DCAF13: variants seen among roughly 807,000 people sequenced by gnomAD.
DCAF13 encodes DDB1 and CUL4 associated factor 13.
A neutral mutation model predicts 59.0 loss-of-function variants in DCAF13; 38 were observed. That is an observed-to-expected ratio of 0.64 (90% confidence interval 0.50 to 0.84). DCAF13 has a LOEUF of 0.84. Ranked by LOEUF, DCAF13 falls within the 40% of genes least tolerant of loss-of-function variation. The pLI is 0.00. For missense variants in DCAF13, 469 were observed against 558.4 expected (o/e 0.84, Z 1.61); for synonymous variants, 173 against 175.0 (o/e 0.99, Z 0.09).
At chr8:103,417,410 G>A (rs1261992109) in intron 1 of DCAF13, among the ~76,000 whole-genome samples, 2 of 152,036 alleles carry the variant, frequency 1.3e-5, no homozygotes, top group East Asian at 3.9e-4. Context: ...GGGAGGCCGA[G>A]ACGGGCGGAT....
intron 5 of DCAF13, chr8:103,427,886 G>C (rs1288159015): frequency 6.6e-6 from 1 of 152,352 alleles, no homozygotes; most frequent in African/African-American, 2.4e-5. Context: ...TTGGACTCCA[G>C]ATCTTTCTCT....
At chr8:103,437,536 AT>A (rs1470406464) in intron 8 of DCAF13, among the ~76,000 whole-genome samples, 1 of 152,070 alleles carries the variant, frequency 6.6e-6, no homozygotes, top group African/African-American at 2.4e-5. Flanking sequence ...TTTCTAAGAA[AT>A]TGTCTCCTGA....
intron 3 of DCAF13, among the ~76,000 whole-genome samples, chr8:103,424,820 C>T (rs1328049167): frequency 6.6e-6 from 1 of 152,192 alleles, no homozygotes; most frequent in African/African-American, 2.4e-5. Context: ...ACCTAGATTA[C>T]ATCTTAGTCT....
chr8:103,417,766 A>G (rs1346485284), intron 1 of DCAF13, among the ~76,000 whole-genome samples: 1 of 152,220 alleles, frequency 6.6e-6, no homozygotes, highest in South Asian at 2.1e-4. Context: ...GAAGACTACT[A>G]TATAGGGAGC....
chr8:103,422,441 A>C (rs905795500), intron 3 of DCAF13, among the ~76,000 whole-genome samples: 3 of 152,192 alleles, frequency 2.0e-5, no homozygotes, highest in Admixed American at 1.3e-4. Context: ...GCCTTGGGGA[A>C]TGCCCACCTC....
In DCAF13 at chr8:103,425,929, A is replaced by T. The variant is rs564548427; in HGVS notation, c.379-127A>T. The T allele has an allele frequency of 2.8e-3, 1,855 of 652,634 alleles. 9 individuals are homozygous for T. The highest frequency in any genetic ancestry group is 4.0e-3 in the Non-Finnish European group (1,436 of 357,642). 40.4% of individuals were successfully genotyped at this position (652,634 alleles called of 1,614,324 possible). ...AAGGTGGGATATAAATGGATCAATA[A>T]GTGTAATACTGGAATGATATGGTAT... On this transcript the variant is annotated intron_variant, in intron 3 of 10. Transcript: ENST00000612750.
rs1055611132 is a variant in DCAF13, at chr8:103,442,855, G to A, written c.1311G>A (p.Lys437=). 1 of 1,607,822 alleles carries A rather than the reference G, an allele frequency of 6.2e-7. No homozygotes were observed. The highest frequency in any genetic ancestry group is 1.3e-5 in the African/African-American group (1 of 74,714). The change falls in exon 11 of 11, where the codon AAG becomes AAA. Residue 437 remains lysine (K), a synonymous_variant. Transcript: ENST00000612750. ...PGSVPLVSEK[K]KHVVAVVK ...CTGTGCCACTTGTGTCAGAGAAGAA[G>A]AAACACGTAGTGGCAGTTGTAAAAT... is the stretch of plus-strand genomic sequence containing the variant.
chr8:103,435,882 T>C, intron 8 of DCAF13, 92 bp downstream of exon 8: 1 of 1,305,350 alleles, frequency 7.7e-7, no homozygotes, highest in Non-Finnish European at 1.1e-6. Flanking sequence ...ATTTCATCAT[T>C]GTGTGAACAT....
rs758893088 is a variant in DCAF13, at chr8:103,435,718, C to T, written c.878C>T (p.Thr293Ile). The T allele has an allele frequency of 1.2e-6, 2 of 1,613,678 alleles. No individual in the cohort carries two copies. Among genetic ancestry groups the T allele is most frequent in the Non-Finnish European group, 1.7e-6 (2 of 1,179,754 alleles). ...GTGCTTGATGTGGATTACTCTCCCACTGGGAAGGAGTTTGTGTCTGCTAGT... is the reference window on the plus strand; with the variant it reads ...GTGCTTGATGTGGATTACTCTCCCATTGGGAAGGAGTTTGTGTCTGCTAGT... ...SAVLDVDYSPTGKEFVSASFD... is the reference protein window; with the variant it reads ...SAVLDVDYSPIGKEFVSASFD... Residue 293 changes from threonine to isoleucine, a missense_variant, in exon 8 of 11, where the codon ACT becomes ATT. This residue lies in a region of DCAF13 where 355 missense variants were observed against 399.1 expected (regional missense o/e 0.89). Transcript: ENST00000612750.
intron 4 of DCAF13, among the ~76,000 whole-genome samples, chr8:103,426,777 T>TATA (rs1212362170): frequency 6.6e-6 from 1 of 152,132 alleles, no homozygotes; most frequent in Non-Finnish European, 1.5e-5. Flanking sequence ...ATGGTTAGTA[T>TATA]ATAATATTTA....
At chr8:103,418,824 TTATATATATATATATATATATATATA>T (rs1188672878) in intron 1 of DCAF13, among the ~76,000 whole-genome samples, 1,593 of 41,372 alleles carry the variant, frequency 0.039, 97 homozygotes, top group African/African-American at 0.13. Flanking sequence ...CTAAGCATAA[TTATATATATATATATATATATATATA>T]TATATATATA....
At chr8:103,436,227 T>A (rs551407796) in intron 8 of DCAF13, among the ~76,000 whole-genome samples, 1 of 152,214 alleles carries the variant, frequency 6.6e-6, no homozygotes, top group Non-Finnish European at 1.5e-5. Flanking sequence ...TTTAATAAAG[T>A]TTTTTGCTCC....
intron 6 of DCAF13, among the ~76,000 whole-genome samples, chr8:103,431,563 A>G (rs1454456730): frequency 6.6e-6 from 1 of 152,208 alleles, no homozygotes; most frequent in African/African-American, 2.4e-5. Flanking sequence ...TCACTCATTC[A>G]TGTGATTTAA....
intron 5 of DCAF13, chr8:103,429,477 A>G (rs950294993): frequency 2.0e-5 from 3 of 152,220 alleles, no homozygotes; most frequent in Non-Finnish European, 2.9e-5. Flanking sequence ...GCAGAAGCCA[A>G]TAGTTGTGAG....
At chr8:103,436,426 A>G (rs1586133963) in intron 8 of DCAF13, among the ~76,000 whole-genome samples, 1 of 152,264 alleles carries the variant, frequency 6.6e-6, no homozygotes, top group African/African-American at 2.4e-5. Flanking sequence ...GAGAGGTGGG[A>G]GATTTGAATA....
intron 3 of DCAF13, 189 bp downstream of exon 3, chr8:103,421,271 C>A: frequency 3.0e-6 from 2 of 669,110 alleles, no homozygotes; most frequent in Non-Finnish European, 5.4e-6. Flanking sequence ...CATAACTTAA[C>A]ATGATTAAAC....
chr8:103,426,155 T>C lies in DCAF13; in HGVS notation c.468+10T>C. 1.3e-6 allele frequency: 2 copies of C among 1,513,120 alleles called. No individual in the cohort carries two copies. The highest frequency in any genetic ancestry group is 2.3e-5 in the South Asian group (2 of 86,492). 93.7% of individuals were successfully genotyped at this position (1,513,120 alleles called of 1,614,324 possible). On this transcript the variant is annotated intron_variant, in intron 4 of 10. Transcript: ENST00000612750. Reference sequence around the variant, plus strand: ...TACAATATTAGGAAAGGTACAAAAGTAAATTGACTAATAGCTTGCCTATTA... The same window carrying C: ...TACAATATTAGGAAAGGTACAAAAGCAAATTGACTAATAGCTTGCCTATTA...
chr8:103,440,819 T>G (rs960034114), intron 9 of DCAF13: 1 of 152,258 alleles, frequency 6.6e-6, no homozygotes, highest in Non-Finnish European at 1.5e-5. Flanking sequence ...TTCTTGATGT[T>G]TTTCTAAATG....
intron 5 of DCAF13, chr8:103,428,371 C>G (rs1816820664): frequency 6.6e-6 from 1 of 152,200 alleles, no homozygotes; most frequent in Non-Finnish European, 1.5e-5. Context: ...GCCATGTTCT[C>G]TTGCGTACAT....
Sources: gnomAD v4.1 joint callset for allele counts (sites outside exome capture counted in the v4.1 genomes callset) on GRCh38, gnomAD v4.1.1 for gene constraint, gnomAD v4.1.1 regional missense constraint, MANE v1.5 for transcripts, NCBI Gene and HGNC (gene_info 2026-07-23, HGNC 2026-07-21) for gene names.